MTUS1: variants seen among roughly 807,000 people sequenced by gnomAD.
The protein encoded by MTUS1 is microtubule-associated tumor suppressor 1.
Under a neutral mutation model 120.8 loss-of-function variants are expected in MTUS1, and 109 were observed. The observed-to-expected ratio is 0.90, with a 90% CI of 0.77 to 1.06. MTUS1 has a LOEUF of 1.06. Among genes scored for constraint, MTUS1 ranks in the 50% least tolerant of loss-of-function variants. MTUS1 has a pLI of 0.00. For synonymous variants in MTUS1, 737 were observed against 550.5 expected (o/e 1.34, Z -4.74); for missense variants, 2,210 against 1,486.3 (o/e 1.49, Z -8.01).
At chr8:17,684,125 A>G (rs1039899594) in intron 7 of MTUS1, among the ~76,000 whole-genome samples, 17 of 152,218 alleles carry the variant, frequency 1.1e-4, no homozygotes, top group African/African-American at 4.1e-4. Flanking sequence ...GGGGAAAAAA[A>G]GGAAGTGAGA....
chr8:17,655,340 G>T (rs542976003), intron 9 of MTUS1, among the ~76,000 whole-genome samples: 13 of 151,356 alleles, frequency 8.6e-5, no homozygotes, highest in African/African-American at 3.2e-4. Context: ...CACACCACCA[G>T]GATGTTTACA....
chr8:17,796,918 G>C (rs10093997), intron 1 of MTUS1, among the ~76,000 whole-genome samples: 125,479 of 152,182 alleles, frequency 0.82, 52,175 homozygotes, highest in Non-Finnish European at 0.86. Context: ...TCGAGACCAA[G>C]TTGGCCAACA....
chr8:17,685,206 C>T (rs1815511163), intron 6 of MTUS1, among the ~76,000 whole-genome samples: 1 of 151,326 alleles, frequency 6.6e-6, no homozygotes, highest in Non-Finnish European at 1.5e-5. Context: ...GTAGTAATAA[C>T]GGCTTACACA....
At chr8:17,735,201 C>T (rs1475694827) in intron 3 of MTUS1, among the ~76,000 whole-genome samples, 1 of 152,136 alleles carries the variant, frequency 6.6e-6, no homozygotes, top group East Asian at 1.9e-4. Flanking sequence ...TAGCCTCCTC[C>T]AATTTCACAT....
intron 1 of MTUS1, among the ~76,000 whole-genome samples, chr8:17,785,827 A>G (rs2051258221): frequency 6.6e-6 from 1 of 152,180 alleles, no homozygotes; most frequent in African/African-American, 2.4e-5. Flanking sequence ...CACCAAGGGA[A>G]GTACTGAGAG....
intron 3 of MTUS1, among the ~76,000 whole-genome samples, chr8:17,729,398 A>T: frequency 6.6e-6 from 1 of 152,240 alleles, no homozygotes; most frequent in Non-Finnish European, 1.5e-5. Flanking sequence ...TATAAATATT[A>T]AATAAACCTG....
At chr8:17,786,014 C>T (rs1298568364) in intron 1 of MTUS1, among the ~76,000 whole-genome samples, 1 of 152,150 alleles carries the variant, frequency 6.6e-6, no homozygotes, top group Non-Finnish European at 1.5e-5. Context: ...GTGGCACATG[C>T]CCATAGTCCC....
intron 7 of MTUS1, among the ~76,000 whole-genome samples, 180 bp from the exon 8 acceptor site, chr8:17,675,432 C>T (rs1007744468): frequency 3.3e-5 from 5 of 152,128 alleles, no homozygotes; most frequent in African/African-American, 7.2e-5. Context: ...TAAGGAAATT[C>T]GTAATTCAAA....
At chr8:17,741,925 C>G (rs532948639) in intron 3 of MTUS1, among the ~76,000 whole-genome samples, 2 of 152,072 alleles carry the variant, frequency 1.3e-5, no homozygotes, top group South Asian at 2.1e-4. Context: ...GCTCAGGCAG[C>G]GTATTGGGGC....
At chr8:17,774,410 G>T (rs2050253078) in intron 1 of MTUS1, among the ~76,000 whole-genome samples, 1 of 152,156 alleles carries the variant, frequency 6.6e-6, no homozygotes, top group African/African-American at 2.4e-5. Flanking sequence ...AAGGACTGGG[G>T]AAGAAAATGA....
intron 2 of MTUS1, among the ~76,000 whole-genome samples, chr8:17,749,793 C>T (rs541837250): frequency 1.3e-5 from 2 of 152,042 alleles, no homozygotes; most frequent in Admixed American, 1.3e-4. Context: ...TACTGATTGA[C>T]GTCTTATGTC....
At chr8:17,686,305 C>T (rs1353807530) in intron 6 of MTUS1, among the ~76,000 whole-genome samples, 1 of 152,188 alleles carries the variant, frequency 6.6e-6, no homozygotes, top group Admixed American at 6.5e-5. Flanking sequence ...ATATGACATA[C>T]ATAAAAATAA....
At chr8:17,787,952 T>C (rs1394629466) in intron 1 of MTUS1, among the ~76,000 whole-genome samples, 1 of 152,198 alleles carries the variant, frequency 6.6e-6, no homozygotes, top group Non-Finnish European at 1.5e-5. Context: ...AAACCCCACC[T>C]GCACTAAAAA....
rs1817430174 is a variant in MTUS1 at position 17,693,783 on chromosome 8, C to T, written c.2624-9241G>A. Among the ~76,000 whole-genome samples, 5 of 152,318 alleles carry T rather than the reference C, an allele frequency of 3.3e-5. No individual in the cohort carries two copies. The South Asian group carries it at 1.0e-3, about 32-fold the overall frequency. Reference sequence around the variant, plus strand: ...TGGTGCTCTGTCTCCTTCTGTTAAACAGTGGGCTGTGTGAAGGCAGGGTCC... The same window carrying T: ...TGGTGCTCTGTCTCCTTCTGTTAAATAGTGGGCTGTGTGAAGGCAGGGTCC... On this transcript the variant is annotated intron_variant, in intron 6 of 14. Transcript: ENST00000693296.
intron 1 of MTUS1, among the ~76,000 whole-genome samples, chr8:17,764,644 G>A (rs748034305): frequency 1.2e-4 from 19 of 152,188 alleles, no homozygotes; most frequent in Admixed American, 3.3e-4. Context: ...CAGGATGTGC[G>A]GTCTGTGCTG....
chr8:17,740,074 G>T (rs890435184), intron 3 of MTUS1, among the ~76,000 whole-genome samples: 2 of 152,134 alleles, frequency 1.3e-5, no homozygotes, highest in East Asian at 1.9e-4. Flanking sequence ...GGGCGTGGTG[G>T]TGGGTGCCTG....
At chr8:17,668,458 C>G (rs1472367316) in intron 8 of MTUS1, among the ~76,000 whole-genome samples, 1 of 152,124 alleles carries the variant, frequency 6.6e-6, no homozygotes, top group Non-Finnish European at 1.5e-5. Flanking sequence ...GAATCTTATC[C>G]TAGAGGCAAA....
chr8:17,713,065 T>A, intron 6 of MTUS1, 149 bp downstream of exon 6: 1 of 692,648 alleles, frequency 1.4e-6, no homozygotes, highest in Non-Finnish European at 2.6e-6. Context: ...ATTTTAATGC[T>A]ATGCGACCCG....
At chr8:17,780,021 T>C (rs1481674540) in intron 1 of MTUS1, among the ~76,000 whole-genome samples, 2 of 152,156 alleles carry the variant, frequency 1.3e-5, no homozygotes, top group African/African-American at 4.8e-5. Context: ...TCCCCAGTGG[T>C]TGAGGTGGGG....
Sources: allele counts gnomAD v4.1 joint callset (sites outside exome capture counted in the v4.1 genomes callset), GRCh38; gene constraint gnomAD v4.1.1; transcripts MANE v1.5; gene names NCBI Gene and HGNC (gene_info 2026-07-23, HGNC 2026-07-21).